MGST1: variants seen among roughly 807,000 people sequenced by gnomAD.
MGST1 encodes the protein microsomal glutathione S-transferase 1.
A neutral mutation model predicts 8.9 loss-of-function variants in MGST1; 5 were observed. The ratio of observed to expected loss-of-function variants is 0.56; its 90% CI spans 0.29 to 1.19. The LOEUF (loss-of-function observed/expected upper bound fraction) is 1.19. Ranked by LOEUF, MGST1 falls within the 50% of genes most tolerant of loss-of-function variation. The probability of loss-of-function intolerance (pLI) is 0.08; values close to 1 mark genes in which losing one functional copy is unlikely to be tolerated. For synonymous variants in MGST1, 54 were observed against 67.8 expected (o/e 0.80, Z 1.00); for missense variants, 182 against 187.4 (o/e 0.97, Z 0.17).
At chr12:16,398,033 C>G (rs1382740139) in intron 1 of MGST1, among the ~76,000 whole-genome samples, 1 of 151,400 alleles carries the variant, frequency 6.6e-6, no homozygotes, top group Admixed American at 6.6e-5. Context: ...GCACTGACAT[C>G]TTTCACATAT....
At chr12:16,526,461 A>T (rs1355648030) in intron 4 of MGST1, among the ~76,000 whole-genome samples, 1 of 151,974 alleles carries the variant, frequency 6.6e-6, no homozygotes, top group African/African-American at 2.4e-5. Context: ...TTATCTTATT[A>T]TCTCACTGAA....
intron 3 of MGST1, among the ~76,000 whole-genome samples, chr12:16,372,482 C>T (rs998479555): frequency 4.6e-5 from 7 of 152,066 alleles, no homozygotes; most frequent in East Asian, 1.9e-4. Flanking sequence ...AATGTGGTAT[C>T]ATCTCACTCC....
chr12:16,478,776 C>T (rs1244654757), intron 4 of MGST1, among the ~76,000 whole-genome samples: 1 of 152,056 alleles, frequency 6.6e-6, no homozygotes, highest in Non-Finnish European at 1.5e-5. Context: ...TTAAGGATTT[C>T]ATCCTTGAGT....
intron 4 of MGST1, among the ~76,000 whole-genome samples, chr12:16,483,422 C>A (rs1224828608): frequency 1.3e-5 from 2 of 152,026 alleles, no homozygotes; most frequent in African/African-American, 4.8e-5. Flanking sequence ...TGTGAAAATA[C>A]TTGGAATCAA....
intron 4 of MGST1, among the ~76,000 whole-genome samples, chr12:16,527,332 G>C (rs1268360278): frequency 6.6e-6 from 1 of 151,854 alleles, no homozygotes; most frequent in South Asian, 2.1e-4. Flanking sequence ...GGTGATTTAG[G>C]ATTCTGTAAT....
chr12:16,485,712 C>A (rs1941395280), intron 4 of MGST1, among the ~76,000 whole-genome samples: 1 of 151,990 alleles, frequency 6.6e-6, no homozygotes, highest in African/African-American at 2.4e-5. Flanking sequence ...TTATTAGAAC[C>A]AAATGATAAA....
chr12:16,354,093 A>G lies in MGST1; in HGVS notation c.-22-138A>G, dbSNP rs889629808. On this transcript the variant is annotated intron_variant, in intron 1 of 3. Transcript: ENST00000396210. The stretch of plus-strand genomic sequence containing the variant: ...ACTTTGACATTTTAAAAACTAAACA[A>G]TCATTTCTTCTGCAAATAGTCCAAG... 7.3e-6 allele frequency: 5 copies of G among 681,846 alleles called. No individual in the cohort carries two copies. The African/African-American group carries it at 7.6e-5, about 10-fold the overall frequency. 42.2% of individuals were successfully genotyped at this position (681,846 alleles called of 1,614,324 possible). A position where few individuals can be genotyped will look rare whatever the true frequency, so the allele number is the denominator to read the frequency against.
intron 1 of MGST1, among the ~76,000 whole-genome samples, chr12:16,425,164 G>T (rs148242716): frequency 1.2e-3 from 186 of 152,216 alleles, no homozygotes; most frequent in Admixed American, 2.1e-3. Flanking sequence ...AGTTTAGTTT[G>T]CTGTATTTTG....
intron 1 of MGST1, among the ~76,000 whole-genome samples, chr12:16,408,467 A>G (rs1591719669): frequency 6.6e-6 from 1 of 152,218 alleles, no homozygotes; most frequent in Non-Finnish European, 1.5e-5. Flanking sequence ...CTCTCAGCAC[A>G]TTCCAACTAG....
downstream of MGST1, among the ~76,000 whole-genome samples, chr12:16,364,847 T>G (rs1940155835): frequency 6.6e-6 from 1 of 152,194 alleles, no homozygotes; most frequent in African/African-American, 2.4e-5. The surrounding 1 kb of genome is among the most constrained non-coding windows in gnomAD (Gnocchi z 5.7). Flanking sequence ...AGGTTTCACT[T>G]AAATGAGAGA....
At chr12:16,433,361 C>G (rs550511364) in intron 1 of MGST1, among the ~76,000 whole-genome samples, 1 of 152,160 alleles carries the variant, frequency 6.6e-6, no homozygotes, top group African/African-American at 2.4e-5. Context: ...AGGAATAATA[C>G]TTGGCATCCT....
intron 4 of MGST1, among the ~76,000 whole-genome samples, chr12:16,484,876 T>TA (rs766483584): frequency 1.9e-4 from 29 of 152,332 alleles, no homozygotes; most frequent in Admixed American, 2.6e-4. Context: ...ATCTTATAAA[T>TA]TTTTTAATTC....
At chr12:16,397,860 A>G (rs1391088261) in intron 1 of MGST1, among the ~76,000 whole-genome samples, 1 of 149,476 alleles carries the variant, frequency 6.7e-6, no homozygotes, top group African/African-American at 2.4e-5. Context: ...TATTTAATAT[A>G]TATTTTAGTG....
At chr12:16,493,258 A>T (rs1250368495) in intron 4 of MGST1, among the ~76,000 whole-genome samples, 1 of 152,124 alleles carries the variant, frequency 6.6e-6, no homozygotes, top group African/African-American at 2.4e-5. Flanking sequence ...CAGAAGTAGG[A>T]TTTCTGGACC....
intron 1 of MGST1, among the ~76,000 whole-genome samples, chr12:16,348,301 A>G (rs1322213757): frequency 2.6e-5 from 4 of 152,204 alleles, no homozygotes; most frequent in Non-Finnish European, 5.9e-5. Flanking sequence ...TTTGTGTGAT[A>G]TTATAGCCAG....
chr12:16,578,537 G>A (rs761387482), intron 4 of MGST1, among the ~76,000 whole-genome samples: 1 of 152,064 alleles, frequency 6.6e-6, no homozygotes, highest in Non-Finnish European at 1.5e-5. Context: ...ATCACATTAG[G>A]CCGGGCGCCG....
At chr12:16,433,974 C>T (rs1245660231) in intron 1 of MGST1, among the ~76,000 whole-genome samples, 1 of 152,072 alleles carries the variant, frequency 6.6e-6, no homozygotes, top group African/African-American at 2.4e-5. Context: ...CAATACCTTT[C>T]TTGTGTATTG....
At chr12:16,564,068 T>C (rs1010708057) in intron 4 of MGST1, among the ~76,000 whole-genome samples, 1 of 152,216 alleles carries the variant, frequency 6.6e-6, no homozygotes, top group East Asian at 1.9e-4. Flanking sequence ...TGCATATAAC[T>C]ATTAATATCT....
rs1943346019 is a variant in MGST1, at chr12:16,587,124, G to A, written n.483-2404G>A. 6.6e-6 allele frequency among the ~76,000 whole-genome samples: 1 copy of A among 152,108 alleles called. No individual in the cohort carries two copies. Among genetic ancestry groups the A allele is most frequent in the East Asian group, 1.9e-4 (1 of 5,182 alleles). On this transcript the variant is annotated intron_variant and non_coding_transcript_variant, in intron 4 of 4. Transcript: ENST00000538857. This position sits in a 1 kb window ranked among gnomAD's most constrained non-coding sequence, Gnocchi z 4.3. ...ATGCCCACAAGGGTACTTGGACAAT[G>A]GCTTACATTTTAAATTATAGCAATT...
Sources: allele counts gnomAD v4.1 joint callset (sites outside exome capture counted in the v4.1 genomes callset), GRCh38; gene constraint gnomAD v4.1.1; non-coding constraint Gnocchi (gnomAD v3.1); transcripts MANE v1.5; gene names NCBI Gene and HGNC (gene_info 2026-07-23, HGNC 2026-07-21).